Variants in SERPINA4 observed in about 807,000 individuals in gnomAD.
The protein encoded by SERPINA4 is kallistatin.
A neutral mutation model predicts 25.4 loss-of-function variants in SERPINA4; 24 were observed. The ratio of observed to expected loss-of-function variants is 0.95; its 90% CI spans 0.69 to 1.33. The LOEUF (loss-of-function observed/expected upper bound fraction) is 1.33. Ranked by LOEUF, SERPINA4 falls within the 40% of genes most tolerant of loss-of-function variation. The pLI is 0.00. For missense variants in SERPINA4, 553 were observed against 535.8 expected, an observed-to-expected ratio of 1.03 and a Z score of -0.32; for synonymous variants, 242 against 223.6, an observed-to-expected ratio of 1.08 and a Z score of -0.73.
chr14:94,569,272 C>T, intron 4 of SERPINA4, 123 bp from the exon 5 acceptor site: 2 of 860,222 alleles, frequency 2.3e-6, no homozygotes, highest in South Asian at 1.7e-5. Context: ...GTGTTATCCC[C>T]AAGAAATGGC....
chr14:94,562,067 A>G (rs1902045069), intron 1 of SERPINA4, among the ~76,000 whole-genome samples: 1 of 152,250 alleles, frequency 6.6e-6, no homozygotes, highest in African/African-American at 2.4e-5. Context: ...AGATAAATAT[A>G]TAAAGCTATG....
intron 1 of SERPINA4, chr14:94,561,944 T>C: frequency 8.1e-7 from 1 of 1,227,068 alleles, no homozygotes; most frequent in Non-Finnish European, 1.1e-6. Flanking sequence ...TCTGCAAGGG[T>C]CTAGGTCAGG....
Position 94,569,413 on chromosome 14 carries a change from T to A in SERPINA4, c.1102T>A (p.Leu368Met), listed in dbSNP as rs1242568100. 6.2e-7 allele frequency: 1 copy of A among 1,613,864 alleles called. No individual in the cohort carries two copies. Among genetic ancestry groups the A allele is most frequent in the Non-Finnish European group, 8.5e-7 (1 of 1,180,032 alleles). Residue 368 changes from leucine (L) to methionine (M), a missense_variant, in exon 5 of 5, where the codon TTG becomes ATG. Physicochemically the swap from Leu to Met is conservative, Grantham distance 15 (BLOSUM62 2). Transcript: ENST00000557004. Reference protein sequence around the residue: ...EASKSFHKATLDVDEAGTEAA... With the variant: ...EASKSFHKATMDVDEAGTEAA... ...CTCCCAGAGTTTCCACAAGGCCACC[T>A]TGGACGTGGATGAGGCTGGCACCGA...
chr14:94,563,481 G>A lies in SERPINA4; in HGVS notation c.-2G>A. ...CCTCCCATAGGCCTGAGAGTGCAGA[G>A]GATGCATCTTATCGACTACCTGCTC... is the stretch of plus-strand genomic sequence containing the variant. On this transcript the variant is annotated 5_prime_UTR_variant, in exon 2 of 5. Coordinates refer to ENST00000557004, the MANE Select transcript of SERPINA4 (RefSeq NM_006215.4). The A allele has an allele frequency of 6.2e-7, 1 of 1,610,836 alleles. No individual in the cohort carries two copies. Among genetic ancestry groups the A allele is most frequent in the Non-Finnish European group, 8.5e-7 (1 of 1,178,180 alleles).
intron 2 of SERPINA4, among the ~76,000 whole-genome samples, chr14:94,566,217 A>T (rs1902203094): frequency 6.6e-6 from 1 of 152,190 alleles, no homozygotes; most frequent in Non-Finnish European, 1.5e-5. Flanking sequence ...TAAAGGTCTA[A>T]CTAGTCTACA....
rs201138033 is a variant in SERPINA4 at position 94,563,775 on chromosome 14, G to T, written c.293G>T (p.Arg98Leu). Residue 98 changes from arginine (R) to leucine (L), a missense_variant, in exon 2 of 5, where the codon CGC (arginine) becomes CTC (leucine). By Grantham distance (102) the Arg-to-Leu change is moderately radical (BLOSUM62 -2). Transcript: ENST00000557004. ...MLSLGACSHSRSQILEGLGFN... is the reference protein window; with the variant it reads ...MLSLGACSHSLSQILEGLGFN... ...TCCCTGGGGGCCTGCTCACACAGCC[G>T]CAGCCAGATCCTTGAGGGCCTGGGC... 1 of 1,613,932 alleles carries T rather than the reference G, an allele frequency of 6.2e-7. No homozygotes were observed. Among genetic ancestry groups the T allele is most frequent in the Non-Finnish European group, 8.5e-7 (1 of 1,180,034 alleles).
At position 94,568,105 on chromosome 14, in the gene SERPINA4, G is replaced by A. The variant is rs771693716; in HGVS notation, c.924-24G>A. ...ATCCTGGCTTGTTCATTAATCTAAT[G>A]TTCTAACTCAATGCCCCTTTCAGGA... On this transcript the variant is annotated intron_variant, in intron 3 of 4. Coordinates refer to ENST00000557004, the MANE Select transcript of SERPINA4 (RefSeq NM_006215.4). 5 of 1,613,516 alleles carry A rather than the reference G, an allele frequency of 3.1e-6. No homozygotes were observed. The Admixed American group carries it at 5.0e-5, about 16-fold the overall frequency.
At chr14:94,569,299 T>C in intron 4 of SERPINA4, 96 bp from the exon 5 acceptor site, 2 of 1,121,868 alleles carry the variant, frequency 1.8e-6, no homozygotes, top group Non-Finnish European at 2.6e-6. Context: ...GGCTGTTATG[T>C]GCAATATTAT....
rs539661335 is a variant in SERPINA4, at chr14:94,565,404, A to G, written c.649+1273A>G. Among the ~76,000 whole-genome samples, 4 of 152,314 alleles carry G rather than the reference A, an allele frequency of 2.6e-5. No individual in the cohort carries two copies. In the East Asian group the frequency reaches 7.7e-4, roughly 29 times the overall value. ...CCTTCAGAGGGCAATCTACTTCGAA[A>G]TCTCACAGTTCTAACCAGCTTGAAC... On this transcript the variant is annotated intron_variant, in intron 2 of 4. Coordinates refer to ENST00000557004, the MANE Select transcript of SERPINA4 (RefSeq NM_006215.4).
At position 94,568,275 on chromosome 14, in the gene SERPINA4, T is replaced by G. The variant is rs1902284523; in HGVS notation, c.1070T>G (p.Leu357Arg). 1 of 1,614,074 alleles carries G rather than the reference T, an allele frequency of 6.2e-7. No individual in the cohort carries two copies. The highest frequency in any genetic ancestry group is 8.5e-7 in the Non-Finnish European group (1 of 1,180,040). ...DLSGITKQQK[L>R]EASKSFHKAT... ...TCCGGCATCACCAAACAGCAAAAAC[T>G]GGAGGCATCCAAAGTAAGTCGTCAA... Residue 357 changes from leucine (L) to arginine (R), a missense_variant, in exon 4 of 5, where the codon CTG (leucine) becomes CGG (arginine). Leu to Arg is a moderately radical substitution (Grantham distance 102, BLOSUM62 -2). Coordinates refer to ENST00000557004, the MANE Select transcript of SERPINA4 (RefSeq NM_006215.4).
chr14:94,569,262 G>C, intron 4 of SERPINA4, 133 bp from the exon 5 acceptor site: 1 of 774,014 alleles, frequency 1.3e-6, no homozygotes, highest in Non-Finnish European at 2.1e-6. Context: ...AATTCTTGCT[G>C]TGTTATCCCC....
intron 2 of SERPINA4, among the ~76,000 whole-genome samples, chr14:94,564,910 G>T (rs1043502728): frequency 6.6e-6 from 1 of 152,238 alleles, no homozygotes; most frequent in African/African-American, 2.4e-5. Context: ...GGCAACAAAT[G>T]TTAATGTTTT....
Position 94,563,968 on chromosome 14 carries a change from C to G in SERPINA4, c.486C>G (p.Val162=), listed in dbSNP as rs761003717. Residue 162 remains valine (V), a synonymous_variant, in exon 2 of 5, where the codon GTC becomes GTG. Transcript: ENST00000557004. ...AATTCCTGAATGACACCATGGCCGT[C>G]TATGAGGCTAAACTCTTCCACACCA... ...LAKFLNDTMA[V]YEAKLFHTNF... is the part of the protein sequence containing the mutation. 6.2e-7 allele frequency: 1 copy of G among 1,614,190 alleles called. No homozygotes were observed.
chr14:94,568,989 A>G (rs1309186814), intron 4 of SERPINA4, among the ~76,000 whole-genome samples: 1 of 152,196 alleles, frequency 6.6e-6, no homozygotes, highest in Non-Finnish European at 1.5e-5. Context: ...GACTTCTGAT[A>G]AGAAAAGTGC....
At position 94,562,099 on chromosome 14, in the gene SERPINA4, A is replaced by G. The variant is rs78800824; in HGVS notation, c.-18+605A>G. 6.0e-3 allele frequency among the ~76,000 whole-genome samples: 911 copies of G among 152,294 alleles called. 7 individuals are homozygous for G. Among genetic ancestry groups the G allele is most frequent in the African/African-American group, 0.021 (854 of 41,546 alleles). ...TATGAAAAATCAATAGAAGAACAAC[A>G]TTTTGTGACACAGGAAAATAATATG... On this transcript the variant is annotated intron_variant, in intron 1 of 4. Coordinates refer to ENST00000557004, the MANE Select transcript of SERPINA4 (RefSeq NM_006215.4).
chr14:94,565,113 G>T (rs2139903142), intron 2 of SERPINA4, among the ~76,000 whole-genome samples: 1 of 152,342 alleles, frequency 6.6e-6, no homozygotes, highest in South Asian at 2.1e-4. Context: ...TGAAGGTCTA[G>T]AGGAAAGAAG....
Position 94,569,502 on chromosome 14 carries a change from G to A in SERPINA4, c.1191G>A (p.Leu397=), listed in dbSNP as rs761629208. The A allele has an allele frequency of 8.1e-6, 13 of 1,614,088 alleles. No individual in the cohort carries two copies. The highest frequency in any genetic ancestry group is 1.1e-5 in the South Asian group (1 of 91,084). The change falls in exon 5 of 5, where the codon CTG becomes CTA. Residue 397 remains leucine, a synonymous_variant. Transcript: ENST00000557004. The part of the protein sequence containing the change: ...FFSAQTNRHI[L]RFNRPFLVVI... Reference sequence around the variant, plus strand: ...CTGCCCAGACCAATCGCCACATCCTGCGATTCAACCGGCCCTTCCTTGTGG... The same window carrying A: ...CTGCCCAGACCAATCGCCACATCCTACGATTCAACCGGCCCTTCCTTGTGG...
At position 94,563,990 on chromosome 14, in the gene SERPINA4, A is replaced by G; in HGVS notation, c.508A>G (p.Thr170Ala). Residue 170 changes from threonine (T) to alanine (A), a missense_variant, in exon 2 of 5, where the codon ACC (threonine) becomes GCC (alanine). Coordinates refer to ENST00000557004, the MANE Select transcript of SERPINA4 (RefSeq NM_006215.4). ...MAVYEAKLFH[T>A]NFYDTVGTIQ... ...CGTCTATGAGGCTAAACTCTTCCACACCAACTTCTACGACACTGTGGGCAC... is the reference window on the plus strand; with the variant it reads ...CGTCTATGAGGCTAAACTCTTCCACGCCAACTTCTACGACACTGTGGGCAC... 1 of 1,614,038 alleles carries G rather than the reference A, an allele frequency of 6.2e-7. No homozygotes were observed. The highest frequency in any genetic ancestry group is 8.5e-7 in the Non-Finnish European group (1 of 1,180,022).
In SERPINA4 at chr14:94,567,024, T is replaced by C. The variant is rs1202052381; in HGVS notation, c.704T>C (p.Val235Ala). Residue 235 changes from valine (V) to alanine (A), a missense_variant, in exon 3 of 5, where the codon GTT (valine) becomes GCT (alanine). Val to Ala is a moderately conservative substitution (Grantham distance 64). Transcript: ENST00000557004. ...AGGACCACTCCCAAAGACTTCTATG[T>C]TGATGAGAACACAACAGTCCGGGTG... ...SSRTTPKDFY[V>A]DENTTVRVPM... The C allele has an allele frequency of 6.2e-7, 1 of 1,614,208 alleles. No individual in the cohort carries two copies. Among genetic ancestry groups the C allele is most frequent in the Admixed American group, 1.7e-5 (1 of 60,030 alleles).
Sources: allele counts gnomAD v4.1 joint callset (sites outside exome capture counted in the v4.1 genomes callset), GRCh38; gene constraint gnomAD v4.1.1; transcripts MANE v1.5; gene names NCBI Gene and HGNC (gene_info 2026-07-23, HGNC 2026-07-21).